Variants in TANC2 observed in about 807,000 individuals in gnomAD.
The protein encoded by TANC2 is tetratricopeptide repeat, ankyrin repeat and coiled-coil containing 2.
Under a neutral mutation model 210.5 loss-of-function variants are expected in TANC2, and 26 were observed. The ratio of observed to expected loss-of-function variants is 0.12; its 90% CI spans 0.09 to 0.17. TANC2 has a LOEUF of 0.17. TANC2 is among the 10% of genes least tolerant of loss of function. TANC2 has a pLI of 1.00. For synonymous variants in TANC2, 931 were observed against 967.1 expected (o/e 0.96, Z 0.69); for missense variants, 2,129 against 2,608.9 (o/e 0.82, Z 4.01).
chr17:63,133,439 A>ATCT (rs2038989231), intron 4 of TANC2, among the ~76,000 whole-genome samples: 2 of 152,024 alleles, frequency 1.3e-5, no homozygotes. Flanking sequence ...ATTGACTAGG[A>ATCT]TCTTCTTCAG....
chr17:63,319,119 T>C (rs1181869894), intron 11 of TANC2, 29 bp downstream of exon 11: 1 of 1,590,424 alleles, frequency 6.3e-7, no homozygotes, highest in Non-Finnish European at 8.6e-7. Context: ...GTTGGGGATA[T>C]GGTAGTTCCA....
At chr17:63,010,017 A>T (rs904151397) in intron 2 of TANC2, among the ~76,000 whole-genome samples, 3 of 152,160 alleles carry the variant, frequency 2.0e-5, no homozygotes, top group Non-Finnish European at 4.4e-5. Flanking sequence ...AGAAAGTGAA[A>T]TATAAGTTGA....
chr17:63,265,644 T>C (rs1157043436), intron 8 of TANC2, among the ~76,000 whole-genome samples: 1 of 152,196 alleles, frequency 6.6e-6, no homozygotes, highest in Non-Finnish European at 1.5e-5. Flanking sequence ...ATAGTTGTGC[T>C]CAGACTCTCC....
intron 2 of TANC2, among the ~76,000 whole-genome samples, chr17:63,015,461 T>TC (rs1389982312): frequency 2.6e-5 from 4 of 151,916 alleles, no homozygotes; most frequent in Non-Finnish European, 4.4e-5. Flanking sequence ...ATGCTATCCC[T>TC]CCCCCCGCTT....
chr17:63,325,375 C>T (rs1285279930), intron 11 of TANC2, among the ~76,000 whole-genome samples: 3 of 152,134 alleles, frequency 2.0e-5, no homozygotes, highest in African/African-American at 7.2e-5. Flanking sequence ...CTTTTTTCCC[C>T]TGCCTGGAAA....
intron 12 of TANC2, among the ~76,000 whole-genome samples, chr17:63,341,252 T>C (rs1209256216): frequency 6.6e-6 from 1 of 152,258 alleles, no homozygotes; most frequent in Non-Finnish European, 1.5e-5. Context: ...CTCTTTCTCC[T>C]CTACTCTGAT....
intron 7 of TANC2, among the ~76,000 whole-genome samples, chr17:63,210,034 C>G (rs1020075437): frequency 2.6e-5 from 4 of 152,218 alleles, no homozygotes; most frequent in African/African-American, 2.4e-5. Context: ...TTTTCTAACA[C>G]TTTGTTTAGG....
In TANC2 at chr17:63,205,372, A is replaced by AC. The variant is rs1555605808; in HGVS notation, c.769+4417dup. ...AAAAAAAAAAAAAAAAAAAAAAAAA[A>AC]CCTCATACACCGAAAACTACAAAAC... On this transcript the variant is annotated intron_variant, in intron 7 of 27. Coordinates refer to ENST00000689528, the Ensembl canonical transcript of TANC2. 7.2e-4 allele frequency among the ~76,000 whole-genome samples: 95 copies of AC among 131,848 alleles called. 7 individuals are homozygous for AC. Among genetic ancestry groups the AC allele is most frequent in the African/African-American group, 2.2e-3 (70 of 32,126 alleles). 86.5% of individuals were successfully genotyped at this position (131,848 alleles called of 152,430 possible).
At chr17:63,372,459 A>G (rs751604827) in intron 14 of TANC2, among the ~76,000 whole-genome samples, 4 of 152,194 alleles carry the variant, frequency 2.6e-5, no homozygotes, top group Non-Finnish European at 5.9e-5. Flanking sequence ...TGAACACACA[A>G]TCATCTTCCT....
At chr17:63,320,600 G>A (rs1366111167) in intron 11 of TANC2, 1 of 152,008 alleles carries the variant, frequency 6.6e-6, no homozygotes, top group African/African-American at 2.4e-5. Flanking sequence ...TATCATTCTA[G>A]GGTAAAAATT....
At chr17:63,414,386 A>G (rs752577124) in intron 25 of TANC2, 4 of 152,242 alleles carry the variant, frequency 2.6e-5, no homozygotes, top group Non-Finnish European at 4.4e-5. Flanking sequence ...TCCTAGGAGC[A>G]GAATTCTATC....
intron 5 of TANC2, among the ~76,000 whole-genome samples, chr17:63,176,983 G>A (rs991260284): frequency 1.3e-5 from 2 of 151,874 alleles, no homozygotes; most frequent in African/African-American, 4.8e-5. Context: ...CTGAATTGCG[G>A]CTGGGCACGG....
intron 1 of TANC2, among the ~76,000 whole-genome samples, chr17:62,988,399 A>C (rs1433879709): frequency 6.6e-6 from 1 of 150,810 alleles, no homozygotes; most frequent in African/African-American, 2.5e-5. Context: ...CGGCTTCCCG[A>C]AGTGCTGGGA....
At chr17:63,198,514 G>A (rs1314276222) in intron 6 of TANC2, among the ~76,000 whole-genome samples, 1 of 152,048 alleles carries the variant, frequency 6.6e-6, no homozygotes, top group African/African-American at 2.4e-5. Flanking sequence ...TTGCAATATG[G>A]AATGACTATA....
At chr17:63,269,655 T>C (rs1049560385) in intron 9 of TANC2, among the ~76,000 whole-genome samples, 1 of 152,200 alleles carries the variant, frequency 6.6e-6, no homozygotes, top group African/African-American at 2.4e-5. Context: ...AACCTTTATA[T>C]TGAGTTCTGT....
At chr17:63,408,552 G>A (rs777504325) in intron 21 of TANC2, among the ~76,000 whole-genome samples, 13 of 152,158 alleles carry the variant, frequency 8.5e-5, no homozygotes, top group Non-Finnish European at 1.2e-4. Flanking sequence ...CTGAGAAAAC[G>A]CCTTGGATTC....
intron 5 of TANC2, among the ~76,000 whole-genome samples, chr17:63,186,457 A>G (rs1198465241): frequency 2.0e-5 from 3 of 148,938 alleles, no homozygotes; most frequent in Non-Finnish European, 4.4e-5. Context: ...GGTACAAGTG[A>G]TTCTCCTGCC....
exon 12 of TANC2, chr17:63,340,304 T>C: frequency 6.2e-7 from 1 of 1,613,898 alleles, no homozygotes; most frequent in Non-Finnish European, 8.5e-7. Context: ...GGAGGGGAGT[T>C]CTGGAGCCAC....
At chr17:63,131,639 A>G (rs1026513805) in intron 4 of TANC2, among the ~76,000 whole-genome samples, 5 of 152,168 alleles carry the variant, frequency 3.3e-5, no homozygotes, top group South Asian at 2.1e-4. Flanking sequence ...TTAAGTAAAC[A>G]TAACCAGCTT....
Sources: allele counts gnomAD v4.1 joint callset (sites outside exome capture counted in the v4.1 genomes callset), GRCh38; gene constraint gnomAD v4.1.1; transcripts MANE v1.5; gene names NCBI Gene and HGNC (gene_info 2026-07-23, HGNC 2026-07-21).